The following BTRC variants were observed in gnomAD, a reference collection of about 807,000 sequenced individuals.
The protein encoded by BTRC is F-box/WD repeat-containing protein 1A.
In BTRC, 42 loss-of-function variants were observed where a neutral mutation model predicts 85.5. That is an observed-to-expected ratio of 0.49 (90% CI 0.38 to 0.64). The LOEUF (loss-of-function observed/expected upper bound fraction) is 0.64. Among genes scored for constraint, BTRC ranks in the 30% least tolerant of loss-of-function variants. The pLI is 0.00. For missense variants in BTRC, 594 were observed against 743.5 expected, an observed-to-expected ratio of 0.80 and a Z score of 2.34; for synonymous variants, 255 against 263.3, an observed-to-expected ratio of 0.97 and a Z score of 0.30.
chr10:101,436,505 T>C (rs1299172091), intron 2 of BTRC, among the ~76,000 whole-genome samples: 4 of 151,960 alleles, frequency 2.6e-5, no homozygotes, highest in Non-Finnish European at 5.9e-5. Flanking sequence ...GGTGTGGTGG[T>C]ACTCACCTGT....
intron 4 of BTRC, among the ~76,000 whole-genome samples, chr10:101,520,113 A>G (rs938036152): frequency 1.3e-5 from 2 of 151,234 alleles, no homozygotes; most frequent in Non-Finnish European, 2.9e-5. Flanking sequence ...CCTACATTAT[A>G]TTTTCTAAGT....
intron 1 of BTRC, among the ~76,000 whole-genome samples, chr10:101,366,792 T>TA (rs1364182611): frequency 1.1e-5 from 1 of 88,084 alleles, no homozygotes; most frequent in African/African-American, 4.2e-5. Flanking sequence ...ATATATATTT[T>TA]TACATTTATA....
chr10:101,456,885 G>A (rs1245964854), intron 2 of BTRC, among the ~76,000 whole-genome samples: 1 of 152,078 alleles, frequency 6.6e-6, no homozygotes, highest in African/African-American at 2.4e-5. Context: ...ATAAATATTT[G>A]AGTTAATATA....
At chr10:101,487,851 CA>C (rs1179773708) in intron 4 of BTRC, among the ~76,000 whole-genome samples, 2 of 151,806 alleles carry the variant, frequency 1.3e-5, no homozygotes, top group African/African-American at 2.4e-5. Context: ...AAAAGGAAAG[CA>C]AAAAAATCTG....
intron 13 of BTRC, among the ~76,000 whole-genome samples, chr10:101,543,610 A>G (rs1345957544): frequency 1.4e-5 from 2 of 138,230 alleles, no homozygotes; most frequent in African/African-American, 3.0e-5. Flanking sequence ...TCCTGTTTTC[A>G]TGCTCTTTTT....
rs116021911 is a variant in BTRC, at chr10:101,451,551, G to T, written c.157-10430G>T. Among the ~76,000 whole-genome samples the T allele has an allele frequency of 4.5e-3, 692 of 152,264 alleles. 8 individuals carry two copies. Among genetic ancestry groups the T allele is most frequent in the African/African-American group, 0.016 (664 of 41,546 alleles). On this transcript the variant is annotated intron_variant, in intron 2 of 14. Coordinates refer to ENST00000370187, the MANE Select transcript of BTRC (RefSeq NM_033637.4). The stretch of plus-strand genomic sequence containing the variant: ...AAAGCACTTTCTGTGTTAGCTGTAG[G>T]TGTTAAAGCAGTAGTGTGTTTTAAG...
chr10:101,431,003 G>A (rs1224405769), intron 2 of BTRC, among the ~76,000 whole-genome samples: 1 of 147,720 alleles, frequency 6.8e-6, no homozygotes, highest in Non-Finnish European at 1.5e-5. Context: ...TTTAGGTACA[G>A]TATTCACCTT....
At chr10:101,532,746 C>CTA (rs1190571870) in intron 8 of BTRC, among the ~76,000 whole-genome samples, 42 of 97,082 alleles carry the variant, frequency 4.3e-4, no homozygotes, top group Non-Finnish European at 7.2e-4. Flanking sequence ...AGTACTGAAG[C>CTA]TATATGTGTG....
intron 5 of BTRC, among the ~76,000 whole-genome samples, chr10:101,522,378 A>AAAAAAAAAAAACAAAAAAAAAC (rs2062125524): frequency 3.0e-5 from 1 of 33,316 alleles, no homozygotes; most frequent in African/African-American, 2.1e-4. Flanking sequence ...AAAAAAAAAC[A>AAAAAAAAAAAACAAAAAAAAAC]AAAAAAAAAA....
At chr10:101,517,622 G>C (rs530629369) in intron 4 of BTRC, among the ~76,000 whole-genome samples, 2 of 152,236 alleles carry the variant, frequency 1.3e-5, no homozygotes, top group South Asian at 4.1e-4. Flanking sequence ...AAATTACTTT[G>C]AAAAGTACCC....
At chr10:101,473,006 T>C (rs1945575325) in intron 3 of BTRC, among the ~76,000 whole-genome samples, 1 of 152,146 alleles carries the variant, frequency 6.6e-6, no homozygotes, top group Admixed American at 6.5e-5. Flanking sequence ...TTCACAAAAT[T>C]TGGGGAAGTA....
chr10:101,391,606 C>T (rs1012840595), intron 1 of BTRC, among the ~76,000 whole-genome samples: 4 of 152,092 alleles, frequency 2.6e-5, no homozygotes, highest in Admixed American at 2.6e-4. Flanking sequence ...TTGACATGTA[C>T]CTTAATTTGC....
intron 2 of BTRC, among the ~76,000 whole-genome samples, chr10:101,450,764 G>T (rs1433082639): frequency 6.6e-6 from 1 of 152,072 alleles, no homozygotes; most frequent in South Asian, 2.1e-4. Flanking sequence ...GGTGATATGT[G>T]TGGCCAGAGG....
chr10:101,484,647 GTTC>G (rs966698630), intron 4 of BTRC, among the ~76,000 whole-genome samples: 1 of 152,134 alleles, frequency 6.6e-6, no homozygotes, highest in Non-Finnish European at 1.5e-5. Flanking sequence ...CATATGGTCC[GTTC>G]TTCACACAGG....
At chr10:101,462,184 G>A in intron 3 of BTRC, 126 bp downstream of exon 3, 1 of 685,424 alleles carries the variant, frequency 1.5e-6, no homozygotes. Flanking sequence ...ACGTTGGCCT[G>A]GCCATAGCCA....
intron 1 of BTRC, among the ~76,000 whole-genome samples, chr10:101,366,906 A>AT (rs1942430024): frequency 1.4e-4 from 4 of 29,436 alleles, no homozygotes; most frequent in African/African-American, 3.7e-4. Context: ...ATTTATATAT[A>AT]TTAATATATA....
intron 4 of BTRC, among the ~76,000 whole-genome samples, chr10:101,485,785 TG>T (rs1435869942): frequency 6.6e-6 from 1 of 152,204 alleles, no homozygotes; most frequent in Non-Finnish European, 1.5e-5. Context: ...CTTTGTGGAT[TG>T]ATCTAGATTA....
chr10:101,481,463 G>A (rs1945831905), intron 4 of BTRC, among the ~76,000 whole-genome samples: 1 of 152,084 alleles, frequency 6.6e-6, no homozygotes, highest in Non-Finnish European at 1.5e-5. Flanking sequence ...TTCACTGAGA[G>A]CTGGCCAAGT....
intron 4 of BTRC, among the ~76,000 whole-genome samples, chr10:101,504,643 G>T (rs1156355400): frequency 6.6e-6 from 1 of 151,138 alleles, no homozygotes; most frequent in Non-Finnish European, 1.5e-5. Context: ...TCCTCTCCTT[G>T]CGTTCCTCCT....
Sources: allele counts gnomAD v4.1 joint callset (sites outside exome capture counted in the v4.1 genomes callset), GRCh38; gene constraint gnomAD v4.1.1; transcripts MANE v1.5; gene names NCBI Gene and HGNC (gene_info 2026-07-23, HGNC 2026-07-21).